Variants in ANKRD28 observed in about 807,000 individuals in gnomAD.
ANKRD28 encodes ankyrin repeat domain 28.
A neutral mutation model predicts 126.5 loss-of-function variants in ANKRD28; 44 were observed. The ratio of observed to expected loss-of-function variants is 0.35; its 90% confidence interval spans 0.27 to 0.45. ANKRD28 has a LOEUF of 0.45. Among genes scored for constraint, ANKRD28 ranks in the 20% least tolerant of loss-of-function variants. ANKRD28 has a pLI of 1.00. For synonymous variants in ANKRD28, 442 were observed against 468.5 expected (o/e 0.94, Z 0.73); for missense variants, 1,110 against 1,316.6 (o/e 0.84, Z 2.43).
rs34994790 is a variant in ANKRD28 at position 15,679,447 on chromosome 3, C to G, written c.2477+29G>C. On this transcript the variant is annotated intron_variant, in intron 22 of 27. Transcript: ENST00000683139. ...GGTGTATTTCTTAAAACACTCAAAC[C>G]AAATCTGATTCATTCTGGCTTTACT... 8.1e-3 allele frequency: 13,001 copies of G among 1,613,544 alleles called. 64 individuals carry two copies. Among genetic ancestry groups the G allele is most frequent in the Non-Finnish European group, 9.4e-3 (11,114 of 1,179,550 alleles).
intron 1 of ANKRD28, among the ~76,000 whole-genome samples, chr3:15,821,103 A>T (rs2060933077): frequency 6.6e-6 from 1 of 152,188 alleles, no homozygotes; most frequent in Non-Finnish European, 1.5e-5. Flanking sequence ...AGATGCCAGT[A>T]GCATAACTCA....
chr3:15,693,688 G>C (rs2069129902), intron 17 of ANKRD28, among the ~76,000 whole-genome samples: 1 of 152,090 alleles, frequency 6.6e-6, no homozygotes, highest in South Asian at 2.1e-4. Context: ...TTCCATGCTG[G>C]CTTTGCCTTT....
At chr3:15,783,496 A>T (rs1306019199) in intron 2 of ANKRD28, among the ~76,000 whole-genome samples, 1 of 151,958 alleles carries the variant, frequency 6.6e-6, no homozygotes, top group South Asian at 2.1e-4. Flanking sequence ...AGCATATTCA[A>T]CCATTCCACC....
At chr3:15,679,135 C>CT (rs71809219) in intron 23 of ANKRD28, among the ~76,000 whole-genome samples, 166 bp downstream of exon 23, 3,815 of 143,798 alleles carry the variant, frequency 0.027, 144 homozygotes, top group African/African-American at 0.084. Flanking sequence ...TCATCATGCA[C>CT]TTTTTTTTTT....
chr3:15,689,962 T>C (rs1195803825), intron 18 of ANKRD28, 57 bp downstream of exon 18: 5 of 1,419,206 alleles, frequency 3.5e-6, no homozygotes, highest in Admixed American at 2.6e-5. Flanking sequence ...ATATCAGAAA[T>C]TGAAAAAAAG....
Position 15,677,004 on chromosome 3 carries a change from AGGTT to A in ANKRD28, c.2839_2842del (p.Asn947SerfsTer21). ...CAAGGCTGCGTTGGTTGCATTGATG[AGGTT>A]TCTATCTGTTATCTTTTCCAGTATT... On this transcript the variant is annotated frameshift_variant, in exon 26 of 28. Transcript: ENST00000683139. LOFTEE classifies it high-confidence loss of function. The A allele has an allele frequency of 6.2e-7, 1 of 1,613,318 alleles. No individual in the cohort carries two copies. Among genetic ancestry groups the A allele is most frequent in the Non-Finnish European group, 8.5e-7 (1 of 1,179,548 alleles).
chr3:15,737,019 T>A lies in ANKRD28; in HGVS notation c.552+14A>T, dbSNP rs751563071. 4 of 1,613,378 alleles carry A rather than the reference T, an allele frequency of 2.5e-6. No individual in the cohort carries two copies. The highest frequency in any genetic ancestry group is 3.4e-6 in the Non-Finnish European group (4 of 1,179,590). On this transcript the variant is annotated intron_variant, in intron 5 of 27. Transcript: ENST00000683139. ...GAGGAGAGAAAAATAATGGTCTAAT[T>A]GAATGCCACCTACCTCACCATGTCC...
intron 1 of ANKRD28, among the ~76,000 whole-genome samples, chr3:15,828,446 G>A (rs1282543568): frequency 6.6e-6 from 1 of 152,034 alleles, no homozygotes; most frequent in Admixed American, 6.5e-5. Flanking sequence ...GAGTACTTTA[G>A]TAGTCAGTAC....
intron 14 of ANKRD28, among the ~76,000 whole-genome samples, chr3:15,702,131 TACTGAC>T: frequency 6.6e-6 from 1 of 152,342 alleles, no homozygotes; most frequent in East Asian, 1.9e-4. Flanking sequence ...TGAAAAAGAT[TACTGAC>T]ACTAAGTTAA....
intron 1 of ANKRD28, among the ~76,000 whole-genome samples, chr3:15,836,814 C>T (rs564108840): frequency 6.6e-5 from 10 of 152,202 alleles, no homozygotes; most frequent in South Asian, 6.2e-4. Context: ...TGGTGGCTCA[C>T]GCCTGTAATC....
intron 24 of ANKRD28, 193 bp from the exon 25 acceptor site, chr3:15,677,755 G>A (rs1434929874): frequency 2.2e-6 from 1 of 454,108 alleles, no homozygotes. Flanking sequence ...TGTTGTATAA[G>A]TCACACACTC....
At chr3:15,775,587 T>C (rs534232045) in intron 2 of ANKRD28, among the ~76,000 whole-genome samples, 55 of 152,338 alleles carry the variant, frequency 3.6e-4, no homozygotes, top group South Asian at 4.1e-4. Flanking sequence ...TACCTCTTTC[T>C]CAGGTTTGAT....
intron 4 of ANKRD28, among the ~76,000 whole-genome samples, chr3:15,750,541 C>A (rs959541454): frequency 6.6e-6 from 1 of 152,176 alleles, no homozygotes; most frequent in Non-Finnish European, 1.5e-5. Flanking sequence ...GTTGTGTGTT[C>A]AACTGCACCC....
chr3:15,707,841 C>T lies in ANKRD28; in HGVS notation c.1547+83G>A. 2.0e-6 allele frequency: 3 copies of T among 1,496,092 alleles called. No homozygotes were observed. In the South Asian group the frequency reaches 3.9e-5, roughly 19 times the overall value. The allele number at this position is 1,496,092 out of a possible 1,614,324, so 92.7% of individuals were successfully genotyped here. A position where few individuals can be genotyped will look rare whatever the true frequency, so the allele number is the denominator to read the frequency against. The stretch of plus-strand genomic sequence containing the variant: ...CAACAAAAAATACAAAGAGGAAACA[C>T]AAATTTGCAACAAAAACATCCATAT... On this transcript the variant is annotated intron_variant, in intron 14 of 27. Coordinates refer to ENST00000683139, the MANE Select transcript of ANKRD28 (RefSeq NM_001349278.2).
intron 27 of ANKRD28, among the ~76,000 whole-genome samples, chr3:15,671,082 C>G (rs1007161643): frequency 8.5e-4 from 129 of 152,218 alleles, no homozygotes; most frequent in Non-Finnish European, 4.4e-5. Context: ...ATGAATGACA[C>G]TTAGTTGTCA....
chr3:15,773,092 G>A (rs1291072653), intron 2 of ANKRD28, among the ~76,000 whole-genome samples: 1 of 150,866 alleles, frequency 6.6e-6, no homozygotes, highest in Non-Finnish European at 1.5e-5. Context: ...AGTATCTCTA[G>A]TCATAGATGG....
intron 6 of ANKRD28, among the ~76,000 whole-genome samples, chr3:15,734,087 T>C (rs73819147): frequency 0.021 from 3,215 of 152,282 alleles, 117 homozygotes; most frequent in African/African-American, 0.074. Context: ...GGTTCAAAAA[T>C]ATAGTATTCA....
intron 2 of ANKRD28, among the ~76,000 whole-genome samples, chr3:15,780,589 CAAT>C (rs2059495678): frequency 6.6e-6 from 1 of 151,740 alleles, no homozygotes; most frequent in African/African-American, 2.4e-5. Context: ...TCATATGAAA[CAAT>C]AAAAGACCAT....
At chr3:15,705,478 A>G (rs1253352252) in intron 14 of ANKRD28, among the ~76,000 whole-genome samples, 1 of 152,226 alleles carries the variant, frequency 6.6e-6, no homozygotes, top group Non-Finnish European at 1.5e-5. Flanking sequence ...CTGTGAAAGT[A>G]GTGGTAAAGG....
Sources: gnomAD v4.1 joint callset for allele counts (sites outside exome capture counted in the v4.1 genomes callset) on GRCh38, gnomAD v4.1.1 for gene constraint, MANE v1.5 for transcripts, NCBI Gene and HGNC (gene_info 2026-07-23, HGNC 2026-07-21) for gene names.